Variants in DNAJC13 observed in about 807,000 individuals in gnomAD.
DNAJC13 encodes the protein DnaJ heat shock protein family (Hsp40) member C13, also known as dnaJ homolog subfamily C member 13.
DNAJC13 carries 75 observed loss-of-function variants against 290.5 expected under a neutral mutation model. That is an observed-to-expected ratio of 0.26 (90% CI 0.21 to 0.31). The LOEUF is 0.31. Ranked by LOEUF, DNAJC13 falls within the 10% of genes least tolerant of loss-of-function variation. The pLI, the probability that DNAJC13 is intolerant of heterozygous loss-of-function variation, is 1.00. For synonymous variants in DNAJC13, 862 were observed against 892.0 expected (o/e 0.97, Z 0.60); for missense variants, 2,260 against 2,674.5 (o/e 0.85, Z 3.42).
intron 12 of DNAJC13, among the ~76,000 whole-genome samples, chr3:132,457,048 T>C (rs1933626354): frequency 6.6e-6 from 1 of 152,188 alleles, no homozygotes; most frequent in African/African-American, 2.4e-5. Context: ...CTCTTGAATT[T>C]GAATGGGAAA....
chr3:132,472,821 T>G (rs944577783), intron 20 of DNAJC13, among the ~76,000 whole-genome samples: 3 of 152,248 alleles, frequency 2.0e-5, no homozygotes, highest in African/African-American at 7.2e-5. Context: ...TGTAAATGTT[T>G]GAAACAAGTC....
At chr3:132,473,914 C>T (rs1377938860) in intron 21 of DNAJC13, among the ~76,000 whole-genome samples, 2 of 152,148 alleles carry the variant, frequency 1.3e-5, no homozygotes, top group Non-Finnish European at 2.9e-5. Flanking sequence ...AGTTGTGTTG[C>T]GCCCCATAGA....
chr3:132,529,856 C>A (rs1936364202), intron 54 of DNAJC13, among the ~76,000 whole-genome samples: 1 of 151,274 alleles, frequency 6.6e-6, no homozygotes, highest in South Asian at 2.1e-4. Flanking sequence ...GAAGAGACTG[C>A]AGTATTGCTG....
chr3:132,450,551 A>T (rs894559503), intron 5 of DNAJC13, 96 bp from the exon 6 acceptor site: 12 of 795,324 alleles, frequency 1.5e-5, no homozygotes, highest in Non-Finnish European at 2.3e-5. Context: ...TGACAGTTAG[A>T]TTTTTGGTCG....
intron 32 of DNAJC13, 152 bp downstream of exon 32, chr3:132,491,203 G>T: frequency 2.7e-6 from 2 of 736,682 alleles, no homozygotes; most frequent in Non-Finnish European, 2.1e-6. Context: ...GATGGATTTT[G>T]ATAAGGCCTT....
Position 132,484,507 on chromosome 3 carries a change from T to C in DNAJC13, c.3183-81T>C, listed in dbSNP as rs1053686314. ...CAAAAAAGTAAGGTAACCTGCTTCATGCCTAGTAGAATGTCGTATGCTCTG... is the reference window on the plus strand; with the variant it reads ...CAAAAAAGTAAGGTAACCTGCTTCACGCCTAGTAGAATGTCGTATGCTCTG... On this transcript the variant is annotated intron_variant, in intron 28 of 55. Transcript: ENST00000260818. The C allele has an allele frequency of 5.5e-6, 7 of 1,282,474 alleles. No individual in the cohort carries two copies. In the East Asian group the frequency reaches 1.6e-4, roughly 30 times the overall value. 79.4% of individuals were successfully genotyped at this position (1,282,474 alleles called of 1,614,324 possible). A position where few individuals can be genotyped will look rare whatever the true frequency, so the allele number is the denominator to read the frequency against.
Position 132,467,161 on chromosome 3 carries a change from A to G in DNAJC13, c.2065-9A>G. 6.2e-7 allele frequency: 1 copy of G among 1,608,024 alleles called. No individual in the cohort carries two copies. The highest frequency in any genetic ancestry group is 8.5e-7 in the Non-Finnish European group (1 of 1,178,244). On this transcript the variant is annotated splice_polypyrimidine_tract_variant and intron_variant, in intron 19 of 55. Transcript: ENST00000260818. ...CAGGCATGTAATGGATTCCAACATT[A>G]TTTTACAGGATCAGTATGGAAAATT...
At chr3:132,465,605 C>T (rs1301939196) in intron 17 of DNAJC13, among the ~76,000 whole-genome samples, 1 of 152,026 alleles carries the variant, frequency 6.6e-6, no homozygotes, top group Non-Finnish European at 1.5e-5. Flanking sequence ...TCTGCTTGTT[C>T]AGAATTCCAA....
At chr3:132,536,877 T>C (rs2133692) in intron 55 of DNAJC13, among the ~76,000 whole-genome samples, 89,301 of 152,036 alleles carry the variant, frequency 0.59, 28,440 homozygotes, top group East Asian at 0.86. Flanking sequence ...TTTTGTAAGT[T>C]CTACAAGTAC....
chr3:132,522,814 A>T lies in DNAJC13; in HGVS notation c.5674-14A>T. The T allele has an allele frequency of 1.3e-6, 2 of 1,577,908 alleles. No individual in the cohort carries two copies. The highest frequency in any genetic ancestry group is 8.6e-7 in the Non-Finnish European group (1 of 1,167,538). ...CAATAGGTGTCTTTTTCATTCTCAAACTTCCTCGTATAGGTTCGAATTACG... is the reference window on the plus strand; with the variant it reads ...CAATAGGTGTCTTTTTCATTCTCAATCTTCCTCGTATAGGTTCGAATTACG... On this transcript the variant is annotated splice_polypyrimidine_tract_variant and intron_variant, in intron 48 of 55. Transcript: ENST00000260818.
At chr3:132,495,211 C>T (rs996609084) in intron 35 of DNAJC13, 45 bp downstream of exon 35, 3 of 1,476,976 alleles carry the variant, frequency 2.0e-6, no homozygotes. Flanking sequence ...TCCTCTTGCT[C>T]TATTATTATG....
Position 132,473,198 on chromosome 3 carries a change from A to G in DNAJC13, c.2262A>G (p.Ile754Met), listed in dbSNP as rs1375727433. Reference sequence around the variant, plus strand: ...GAAAGAGAAGACAAAGAATAAAAATAGAAGCAAATTGGGATCTCTTCTATT... The same window carrying G: ...GAAAGAGAAGACAAAGAATAAAAATGGAAGCAAATTGGGATCTCTTCTATT... The part of the protein sequence containing the change: ...VLRKRRQRIK[I>M]EANWDLFYYR... Residue 754 changes from isoleucine to methionine, a missense_variant, in exon 21 of 56, where the codon ATA (isoleucine) becomes ATG (methionine). This residue lies in a region of DNAJC13 where 762 missense variants were observed against 964.1 expected (regional missense o/e 0.79). Coordinates refer to ENST00000260818, the MANE Select transcript of DNAJC13 (RefSeq NM_015268.4). 2 of 1,610,456 alleles carry G rather than the reference A, an allele frequency of 1.2e-6. No homozygotes were observed. Among genetic ancestry groups the G allele is most frequent in the African/African-American group, 2.7e-5 (2 of 74,774 alleles).
At chr3:132,509,570 C>T (rs888532999) in intron 43 of DNAJC13, among the ~76,000 whole-genome samples, 3 of 152,162 alleles carry the variant, frequency 2.0e-5, no homozygotes, top group Admixed American at 6.5e-5. Flanking sequence ...AGAAATTCTC[C>T]TGTGGATAAA....
intron 20 of DNAJC13, among the ~76,000 whole-genome samples, chr3:132,472,250 G>C (rs1053000340): frequency 3.3e-5 from 5 of 152,196 alleles, no homozygotes; most frequent in African/African-American, 1.2e-4. Flanking sequence ...GAGGGAGAGG[G>C]CTGGAGCAGA....
At chr3:132,532,931 A>ATTATTATTATTATTATTATTATTC (rs1168039159) in intron 55 of DNAJC13, among the ~76,000 whole-genome samples, 2 of 149,082 alleles carry the variant, frequency 1.3e-5, no homozygotes, top group African/African-American at 4.9e-5. Context: ...TATTATTATT[A>ATTATTATTATTATTATTATTATTC]TTATTTTAGT....
At position 132,528,180 on chromosome 3, in the gene DNAJC13, T is replaced by C. The variant is rs989190905; in HGVS notation, c.6382-9T>C. 1 of 1,613,456 alleles carries C rather than the reference T, an allele frequency of 6.2e-7. No homozygotes were observed. Among genetic ancestry groups the C allele is most frequent in the Admixed American group, 1.7e-5 (1 of 59,896 alleles). ...CTGTGTGTTTATATATGCTTAATATTTCTTCTAGGCCCTGAAAGCAGATTT... is the reference window on the plus strand; with the variant it reads ...CTGTGTGTTTATATATGCTTAATATCTCTTCTAGGCCCTGAAAGCAGATTT... On this transcript the variant is annotated splice_polypyrimidine_tract_variant and intron_variant, in intron 53 of 55. Transcript: ENST00000260818.
intron 1 of DNAJC13, among the ~76,000 whole-genome samples, chr3:132,419,711 C>G (rs1343213964): frequency 1.3e-5 from 2 of 152,148 alleles, no homozygotes; most frequent in Non-Finnish European, 2.9e-5. Context: ...CAAGGCTGTG[C>G]AGATAAACTG....
At chr3:132,531,667 G>T (rs991446174) in intron 55 of DNAJC13, among the ~76,000 whole-genome samples, 3 of 151,932 alleles carry the variant, frequency 2.0e-5, no homozygotes, top group African/African-American at 4.8e-5. Flanking sequence ...CGTGGTGGCG[G>T]GCACCTGTAG....
At chr3:132,422,336 TCACTTGGA>T (rs1362866951) in intron 1 of DNAJC13, among the ~76,000 whole-genome samples, 1 of 152,116 alleles carries the variant, frequency 6.6e-6, no homozygotes, top group African/African-American at 2.4e-5. Flanking sequence ...CATACCTGGC[TCACTTGGA>T]CACTTGAAAG....
Sources: allele counts gnomAD v4.1 joint callset (sites outside exome capture counted in the v4.1 genomes callset), GRCh38; gene constraint gnomAD v4.1.1; regional missense constraint gnomAD v4.1.1; transcripts MANE v1.5; gene names NCBI Gene and HGNC (gene_info 2026-07-23, HGNC 2026-07-21).